Variants in SORCS2 observed in about 807,000 individuals in gnomAD.
The protein encoded by SORCS2 is VPS10 domain-containing receptor SorCS2.
A neutral mutation model predicts 141.6 loss-of-function variants in SORCS2; 100 were observed. The observed-to-expected ratio is 0.71, with a 90% CI of 0.60 to 0.83. The LOEUF (loss-of-function observed/expected upper bound fraction) is 0.83. SORCS2 is among the 40% of genes least tolerant of loss of function. The probability of loss-of-function intolerance (pLI) is 0.00; values close to 1 mark genes in which losing one functional copy is unlikely to be tolerated. For missense variants in SORCS2, 1,646 were observed against 1,560.2 expected, an observed-to-expected ratio of 1.05 and a Z score of -0.93; for synonymous variants, 789 against 676.9, an observed-to-expected ratio of 1.17 and a Z score of -2.57.
intron 20 of SORCS2, 100 bp from the exon 21 acceptor site, chr4:7,726,680 G>A: frequency 6.8e-7 from 1 of 1,478,964 alleles, no homozygotes; most frequent in Non-Finnish European, 9.1e-7. Context: ...GGGAACAAGG[G>A]GACAGCAATG....
At chr4:7,701,481 G>T (rs1318976443) in intron 12 of SORCS2, among the ~76,000 whole-genome samples, 1 of 152,236 alleles carries the variant, frequency 6.6e-6, no homozygotes, top group African/African-American at 2.4e-5. Context: ...CATGCAGAGA[G>T]CCTGGGTGTA....
intron 1 of SORCS2, among the ~76,000 whole-genome samples, chr4:7,350,307 T>C (rs1478552165): frequency 6.6e-6 from 1 of 152,166 alleles, no homozygotes; most frequent in South Asian, 2.1e-4. Flanking sequence ...CGTTCCAGAG[T>C]GGGGCTACAG....
intron 3 of SORCS2, among the ~76,000 whole-genome samples, chr4:7,629,805 C>T (rs926352801): frequency 2.6e-5 from 4 of 152,068 alleles, no homozygotes; most frequent in Admixed American, 6.6e-5. Context: ...CTCAGCAGCT[C>T]AAACTGACCT....
At chr4:7,727,749 A>G (rs1452605348) in intron 21 of SORCS2, among the ~76,000 whole-genome samples, 1 of 152,182 alleles carries the variant, frequency 6.6e-6, no homozygotes. Flanking sequence ...CTCCCACTTT[A>G]CATGTGAGAA....
chr4:7,239,688 G>A (rs1712553352), intron 1 of SORCS2, among the ~76,000 whole-genome samples: 1 of 152,222 alleles, frequency 6.6e-6, no homozygotes, highest in African/African-American at 2.4e-5. Flanking sequence ...GGCCTCTTAT[G>A]GGTCATTTCC....
At chr4:7,617,347 AATAT>A in intron 3 of SORCS2, among the ~76,000 whole-genome samples, 1 of 152,076 alleles carries the variant, frequency 6.6e-6, no homozygotes, top group Admixed American at 6.5e-5. Context: ...GTTATCCATC[AATAT>A]ATGCACCTAC....
At chr4:7,635,501 A>T (rs1720183588) in intron 3 of SORCS2, among the ~76,000 whole-genome samples, 1 of 152,196 alleles carries the variant, frequency 6.6e-6, no homozygotes, top group African/African-American at 2.4e-5. Context: ...CCATTGATAA[A>T]ATTATACCTA....
At chr4:7,687,589 C>G (rs1300474338) in intron 10 of SORCS2, among the ~76,000 whole-genome samples, 4 of 152,130 alleles carry the variant, frequency 2.6e-5, no homozygotes, top group African/African-American at 9.7e-5. Context: ...TGGTATTCAG[C>G]TCCGGGCTCC....
chr4:7,550,132 A>ATGTG (rs36213889), intron 3 of SORCS2, among the ~76,000 whole-genome samples: 1,828 of 142,254 alleles, frequency 0.013, 37 homozygotes, highest in African/African-American at 0.043. Flanking sequence ...GTATGTGTGT[A>ATGTG]TGTGTGTGTG....
intron 3 of SORCS2, among the ~76,000 whole-genome samples, chr4:7,597,034 TG>T (rs1448118367): frequency 1.3e-5 from 2 of 151,444 alleles, no homozygotes; most frequent in Admixed American, 1.3e-4. Context: ...TCTCTGTGCC[TG>T]GGGGCTGGCT....
intron 1 of SORCS2, among the ~76,000 whole-genome samples, chr4:7,214,082 G>A (rs912344538): frequency 2.0e-5 from 3 of 152,164 alleles, no homozygotes; most frequent in African/African-American, 7.2e-5. Context: ...AGTCACAGTT[G>A]GGGCTCCTCT....
At chr4:7,470,225 C>CG (rs1037412544) in intron 2 of SORCS2, among the ~76,000 whole-genome samples, 7 of 151,536 alleles carry the variant, frequency 4.6e-5, no homozygotes, top group African/African-American at 1.5e-4. Flanking sequence ...TCCCATCCCT[C>CG]GGTCCATCCA....
In SORCS2 at chr4:7,718,095, C is replaced by T. The variant is rs778344671; in HGVS notation, c.2336C>T (p.Pro779Leu). ...SQVQLQCPLT[P>L]PRGLQVSIQG... ...GTGCAGCTGCAGTGCCCCCTCACGC[C>T]GCCCCGGGGCCTGCAGGTCAGCATT... Residue 779 changes from proline to leucine, a missense_variant, in exon 18 of 27, where the codon CCG becomes CTG. Pro to Leu is a moderately conservative substitution (Grantham distance 98). Transcript: ENST00000507866. 9.9e-6 allele frequency: 16 copies of T among 1,611,492 alleles called. No individual in the cohort carries two copies. Among genetic ancestry groups the T allele is most frequent in the East Asian group, 4.5e-5 (2 of 44,804 alleles).
intron 1 of SORCS2, among the ~76,000 whole-genome samples, chr4:7,252,954 C>T (rs1210577894): frequency 6.6e-6 from 1 of 152,244 alleles, no homozygotes. Flanking sequence ...GATGGAGCCT[C>T]AGGAAGCTGC....
chr4:7,653,708 G>T, intron 4 of SORCS2, among the ~76,000 whole-genome samples: 1 of 152,262 alleles, frequency 6.6e-6, no homozygotes, highest in East Asian at 1.9e-4. Context: ...TGACCCCTGC[G>T]GTAGATGCCA....
chr4:7,469,072 A>G (rs775443658), intron 2 of SORCS2, among the ~76,000 whole-genome samples: 36 of 152,168 alleles, frequency 2.4e-4, no homozygotes, highest in Admixed American at 7.2e-4. Flanking sequence ...GAGTTAAGAC[A>G]TGATGGTGAT....
Position 7,403,961 on chromosome 4 carries a change from GTATATATATATATATATATA to G in SORCS2, c.548+7624_548+7643del, listed in dbSNP as rs71635960. 6.4e-4 allele frequency among the ~76,000 whole-genome samples: 19 copies of G among 29,890 alleles called. 1 individual carries two copies. Among genetic ancestry groups the G allele is most frequent in the Non-Finnish European group, 9.9e-4 (13 of 13,178 alleles). 19.6% of individuals were successfully genotyped at this position (29,890 alleles called of 152,430 possible). ...TGTCATTTTCTCTGCCTCCATGTGT[GTATATATATATATATATATA>G]TATATATATATATATATTTTTTTTT... On this transcript the variant is annotated intron_variant, in intron 2 of 26. Transcript: ENST00000507866.
At chr4:7,610,674 A>G (rs1718349687) in intron 3 of SORCS2, among the ~76,000 whole-genome samples, 1 of 152,142 alleles carries the variant, frequency 6.6e-6, no homozygotes, top group Non-Finnish European at 1.5e-5. Context: ...TAGGCAGCAA[A>G]TCTGTTGATT....
intron 2 of SORCS2, among the ~76,000 whole-genome samples, chr4:7,530,401 C>A (rs1047572307): frequency 1.3e-5 from 2 of 152,194 alleles, no homozygotes; most frequent in Non-Finnish European, 2.9e-5. Flanking sequence ...TGCCCCCAGT[C>A]CCCTGAGCTC....
Sources: allele counts gnomAD v4.1 joint callset (sites outside exome capture counted in the v4.1 genomes callset), GRCh38; gene constraint gnomAD v4.1.1; transcripts MANE v1.5; gene names NCBI Gene and HGNC (gene_info 2026-07-23, HGNC 2026-07-21).